Variants in DDX50 observed in about 807,000 individuals in gnomAD.
DDX50 encodes the protein ATP-dependent RNA helicase DDX50.
In DDX50, 56 loss-of-function variants were observed where a neutral mutation model predicts 94.8. The observed-to-expected ratio is 0.59, with a 90% CI of 0.48 to 0.74. The LOEUF (loss-of-function observed/expected upper bound fraction) is 0.74, where lower values mean the gene tolerates loss of function less well. DDX50 is among the 30% of genes least tolerant of loss of function. The probability of loss-of-function intolerance (pLI) is 0.00; values close to 1 mark genes in which losing one functional copy is unlikely to be tolerated. For missense variants in DDX50, 713 were observed against 881.2 expected (o/e 0.81, Z 2.42); for synonymous variants, 264 against 295.4 (o/e 0.89, Z 1.09).
intron 8 of DDX50, among the ~76,000 whole-genome samples, chr10:68,924,334 T>C (rs762277182): frequency 1.3e-5 from 2 of 152,100 alleles, no homozygotes; most frequent in Non-Finnish European, 1.5e-5. Flanking sequence ...GCCTTGGCTA[T>C]TCACAGACAC....
At chr10:68,913,312 C>T in intron 5 of DDX50, 33 bp downstream of exon 5, 1 of 1,603,946 alleles carries the variant, frequency 6.2e-7, no homozygotes, top group East Asian at 2.2e-5. Context: ...CGTGCAAAGG[C>T]ATATTTGATA....
At chr10:68,943,338 C>G (rs1564619560) in intron 14 of DDX50, 81 bp downstream of exon 14, 1 of 1,154,524 alleles carries the variant, frequency 8.7e-7, no homozygotes, top group Non-Finnish European at 1.2e-6. Context: ...AACATAGTCA[C>G]AATGTCATTA....
intron 12 of DDX50, among the ~76,000 whole-genome samples, chr10:68,940,378 T>TAAA (rs75318772): frequency 7.5e-6 from 1 of 134,094 alleles, no homozygotes; most frequent in East Asian, 2.2e-4. Context: ...GACCCTGTCT[T>TAAA]AAAAAAAAAA....
chr10:68,940,669 C>T (rs555876657), intron 12 of DDX50, among the ~76,000 whole-genome samples: 6 of 152,096 alleles, frequency 3.9e-5, no homozygotes, highest in Non-Finnish European at 7.4e-5. Context: ...CCTCCCGCCT[C>T]GGTTTCCTAA....
In DDX50 at chr10:68,906,787, A is replaced by C. The variant is rs201455837; in HGVS notation, c.164A>C (p.Asp55Ala). The C allele has an allele frequency of 4.6e-4, 742 of 1,613,756 alleles. 1 individual carries two copies. Among genetic ancestry groups the C allele is most frequent in the Non-Finnish European group, 5.8e-4 (686 of 1,179,934 alleles). The change falls in exon 2 of 15, where the codon GAC becomes GCC. Residue 55 changes from aspartate (D) to alanine (A), a missense_variant. Around this residue, in one of 2 missense-constraint regions of DDX50, gnomAD observed 285 missense variants for 278.9 expected, o/e 1.02. Transcript: ENST00000373585. The part of the protein sequence containing the change: ...SETRENGVTD[D>A]LDAPKAKKSK... The stretch of plus-strand genomic sequence containing the variant: ...ACAAGAGAAAATGGTGTTACAGATG[A>C]CCTGGATGCTCCCAAGGCCAAAAAA...
intron 13 of DDX50, among the ~76,000 whole-genome samples, chr10:68,942,302 T>G (rs1241411388): frequency 6.6e-6 from 1 of 152,206 alleles, no homozygotes; most frequent in Non-Finnish European, 1.5e-5. Flanking sequence ...AAAAATGATG[T>G]TATGTTATTA....
Position 68,914,209 on chromosome 10 carries a change from G to GA in DDX50, c.1089+5_1089+6insA, listed in dbSNP as rs1378949268. 6.2e-7 allele frequency: 1 copy of GA among 1,609,414 alleles called. No homozygotes were observed. The highest frequency in any genetic ancestry group is 8.5e-7 in the Non-Finnish European group (1 of 1,178,766). On this transcript the variant is annotated splice_donor_region_variant and intron_variant, in intron 7 of 14. Transcript: ENST00000373585. ...AAGGCTGCAACTACTGTGGAAGTAA[G>GA]TAGCTTTCTAGCATGATAGATTTTA...
At chr10:68,920,836 T>G (rs1425064163) in intron 8 of DDX50, among the ~76,000 whole-genome samples, 1 of 150,018 alleles carries the variant, frequency 6.7e-6, no homozygotes, top group African/African-American at 2.5e-5. Context: ...TCCCAGCTAC[T>G]CAGGAGGCTA....
rs1472349386 is a variant in DDX50, at chr10:68,943,276, C to T, written c.1935+19C>T. The T allele has an allele frequency of 2.5e-6, 4 of 1,590,012 alleles. No individual in the cohort carries two copies. Among genetic ancestry groups the T allele is most frequent in the African/African-American group, 2.7e-5 (2 of 74,004 alleles). On this transcript the variant is annotated intron_variant, in intron 14 of 14. Coordinates refer to ENST00000373585, the MANE Select transcript of DDX50 (RefSeq NM_024045.2). ...GTTACAGGTATTTTTAAAATTTTATCTTTTAAATGGTTGAGTACATTCTCT... is the reference window on the plus strand; with the variant it reads ...GTTACAGGTATTTTTAAAATTTTATTTTTTAAATGGTTGAGTACATTCTCT...
At chr10:68,935,009 A>G (rs1021384019) in intron 10 of DDX50, 91 bp downstream of exon 10, 40 of 1,450,144 alleles carry the variant, frequency 2.8e-5, no homozygotes, top group Non-Finnish European at 1.7e-5. Context: ...GTAGGTCTTC[A>G]TAACTTTTCT....
intron 8 of DDX50, among the ~76,000 whole-genome samples, chr10:68,920,579 T>C (rs899139005): frequency 6.6e-6 from 1 of 152,112 alleles, no homozygotes; most frequent in Non-Finnish European, 1.5e-5. Flanking sequence ...TTTAGAGTTG[T>C]GTTACAAAAC....
intron 8 of DDX50, among the ~76,000 whole-genome samples, chr10:68,922,171 T>C (rs1385815379): frequency 4.6e-5 from 7 of 152,156 alleles, no homozygotes; most frequent in Non-Finnish European, 8.8e-5. Context: ...TTTTTCCTTA[T>C]TCAGTTTTCA....
intron 1 of DDX50, 94 bp downstream of exon 1, chr10:68,901,565 G>T (rs999865471): frequency 4.5e-5 from 61 of 1,347,666 alleles, no homozygotes; most frequent in Non-Finnish European, 5.5e-5. Context: ...GTCAGAACCG[G>T]GCCGGAGCAT....
At position 68,929,346 on chromosome 10, in the gene DDX50, T is replaced by C. The variant is rs111814477; in HGVS notation, c.1240-4853T>C. On this transcript the variant is annotated intron_variant, in intron 8 of 14. Transcript: ENST00000373585. ...CTCTTTCTTTCTTTCCTTCCTTCCTTCCTTCTTTCCTTCTTTCCTTCCTTT... is the reference window on the plus strand; with the variant it reads ...CTCTTTCTTTCTTTCCTTCCTTCCTCCCTTCTTTCCTTCTTTCCTTCCTTT... 2.5e-3 allele frequency among the ~76,000 whole-genome samples: 376 copies of C among 150,498 alleles called. 1 individual carries two copies. Among genetic ancestry groups the C allele is most frequent in the African/African-American group, 8.2e-3 (338 of 41,018 alleles).
chr10:68,931,863 T>C (rs1343526309), intron 8 of DDX50, among the ~76,000 whole-genome samples: 4 of 152,194 alleles, frequency 2.6e-5, no homozygotes, highest in South Asian at 4.1e-4. Context: ...CTTTTCAGTC[T>C]GTTCCAGCAG....
intron 12 of DDX50, among the ~76,000 whole-genome samples, chr10:68,937,412 CAT>C (rs1049843134): frequency 1.7e-4 from 26 of 151,488 alleles, no homozygotes; most frequent in African/African-American, 6.1e-4. Context: ...AAAAAAATGA[CAT>C]GTAATAATTG....
intron 12 of DDX50, among the ~76,000 whole-genome samples, chr10:68,938,008 C>T (rs1842467207): frequency 6.6e-6 from 1 of 152,180 alleles, no homozygotes; most frequent in Non-Finnish European, 1.5e-5. Context: ...ATAATAAGCT[C>T]ATCTGTGAAA....
intron 3 of DDX50, among the ~76,000 whole-genome samples, 156 bp from the exon 4 acceptor site, chr10:68,910,912 T>G (rs544460681): frequency 6.6e-6 from 1 of 152,344 alleles, no homozygotes; most frequent in East Asian, 1.9e-4. Flanking sequence ...TTAGACTAAT[T>G]TTTTAGTAAT....
At chr10:68,941,322 T>C in intron 13 of DDX50, 128 bp downstream of exon 13, 1 of 1,233,094 alleles carries the variant, frequency 8.1e-7, no homozygotes, top group Non-Finnish European at 1.1e-6. Flanking sequence ...CTCTGTTAGT[T>C]TGTTTCCAGT....
Sources: gnomAD v4.1 joint callset for allele counts (sites outside exome capture counted in the v4.1 genomes callset) on GRCh38, gnomAD v4.1.1 for gene constraint, gnomAD v4.1.1 regional missense constraint, MANE v1.5 for transcripts, NCBI Gene and HGNC (gene_info 2026-07-23, HGNC 2026-07-21) for gene names.